NSD2: variants seen among roughly 807,000 people sequenced by gnomAD.
NSD2 encodes histone-lysine N-methyltransferase NSD2.
NSD2 carries 12 observed loss-of-function variants against 139.0 expected under a neutral mutation model. The ratio of observed to expected loss-of-function variants is 0.09; its 90% CI spans 0.06 to 0.14. The LOEUF (loss-of-function observed/expected upper bound fraction) is 0.14. NSD2 is among the 10% of genes least tolerant of loss of function. NSD2 has a pLI of 1.00. For synonymous variants in NSD2, 669 were observed against 648.7 expected (o/e 1.03, Z -0.48); for missense variants, 1,155 against 1,745.0 (o/e 0.66, Z 6.02).
intron 12 of NSD2, among the ~76,000 whole-genome samples, chr4:1,953,793 CT>C (rs113712964): frequency 7.0e-4 from 101 of 145,190 alleles, no homozygotes; most frequent in African/African-American, 6.3e-4. Context: ...TTTACCCTGG[CT>C]TTTTTTTTTT....
At chr4:1,925,096 C>G (rs2108831477) in intron 5 of NSD2, among the ~76,000 whole-genome samples, 3 of 152,356 alleles carry the variant, frequency 2.0e-5, no homozygotes, top group Middle Eastern at 6.8e-3. Flanking sequence ...TTAGGATGCT[C>G]TTTAACTGTT....
Position 1,972,263 on chromosome 4 carries a change from CAAGAG to C in NSD2, c.3373-2598_3373-2594del, listed in dbSNP as rs1366923330. On this transcript the variant is annotated intron_variant, in intron 18 of 21. Transcript: ENST00000508803. The surrounding 1 kb of genome is among the most constrained non-coding windows in gnomAD (Gnocchi z 4.0). Reference sequence around the variant, plus strand: ...AGTTCGGCAGTGTCACTGACGGACACAAGAGATGATATGGATGAGTGGCGGTACAG... The same window carrying C: ...AGTTCGGCAGTGTCACTGACGGACACATGATATGGATGAGTGGCGGTACAG... 3.3e-5 allele frequency among the ~76,000 whole-genome samples: 5 copies of C among 152,048 alleles called. No homozygotes were observed. The highest frequency in any genetic ancestry group is 1.2e-4 in the African/African-American group (5 of 41,370).
chr4:1,923,611 T>C (rs1315291658), intron 5 of NSD2, among the ~76,000 whole-genome samples: 5 of 152,232 alleles, frequency 3.3e-5, no homozygotes, highest in Non-Finnish European at 2.9e-5. Flanking sequence ...CCTCATACAA[T>C]GCTGGTGAAA....
At chr4:1,933,845 G>A (rs1721981775) in intron 6 of NSD2, among the ~76,000 whole-genome samples, 1 of 152,090 alleles carries the variant, frequency 6.6e-6, no homozygotes, top group African/African-American at 2.4e-5. Flanking sequence ...ACACCTTACC[G>A]TCTTAGGTTG....
chr4:1,891,135 CCTT>C, intron 1 of NSD2, among the ~76,000 whole-genome samples: 1 of 152,284 alleles, frequency 6.6e-6, no homozygotes, highest in East Asian at 1.9e-4. Flanking sequence ...CTCAAGCAAT[CCTT>C]CTGCCTTGGC....
rs754764987 is a variant in NSD2 at position 1,974,607 on chromosome 4, A to C, written c.3373-256A>C. 6 of 615,784 alleles carry C rather than the reference A, an allele frequency of 9.7e-6. No individual in the cohort carries two copies. The East Asian group carries it at 1.8e-4, about 19-fold the overall frequency. The allele number at this position is 615,784 out of a possible 1,614,324, so 38.1% of individuals were successfully genotyped here. On this transcript the variant is annotated intron_variant, in intron 18 of 21. Transcript: ENST00000508803. This position sits in a 1 kb window ranked among gnomAD's most constrained non-coding sequence, Gnocchi z 4.0. The stretch of plus-strand genomic sequence containing the variant: ...GTTTGCCATCATGGAGGATGCTGGG[A>C]GCTCCAGCTCCCTGTCCTGTCCTCC...
chr4:1,954,957 C>T (rs928664197), intron 12 of NSD2, among the ~76,000 whole-genome samples: 1 of 152,186 alleles, frequency 6.6e-6, no homozygotes, highest in Non-Finnish European at 1.5e-5. Flanking sequence ...GGCTGAGACA[C>T]GCGGCATTTT....
At chr4:1,975,215 T>C in intron 19 of NSD2, 79 bp from the exon 20 acceptor site, 1 of 1,467,664 alleles carries the variant, frequency 6.8e-7, no homozygotes, top group Non-Finnish European at 9.5e-7. Flanking sequence ...AGTATTTTTG[T>C]TGACCTAATA....
intron 3 of NSD2, among the ~76,000 whole-genome samples, chr4:1,913,717 C>A (rs907296178): frequency 6.6e-6 from 1 of 152,154 alleles, no homozygotes; most frequent in Non-Finnish European, 1.5e-5. Context: ...TGCCCCCTTG[C>A]CTTGTATACA....
chr4:1,928,087 C>G (rs1446291359), intron 5 of NSD2, among the ~76,000 whole-genome samples: 2 of 138,516 alleles, frequency 1.4e-5, no homozygotes, highest in Non-Finnish European at 3.1e-5. Context: ...TTTTTTTTTT[C>G]AAACACGATC....
intron 2 of NSD2, among the ~76,000 whole-genome samples, 158 bp downstream of exon 2, chr4:1,901,409 G>A (rs554150567): frequency 6.6e-6 from 1 of 152,222 alleles, no homozygotes; most frequent in Non-Finnish European, 1.5e-5. Flanking sequence ...GGGTTGGAGG[G>A]TGGGCTCCAG....
intron 1 of NSD2, among the ~76,000 whole-genome samples, chr4:1,872,626 G>GAGAGAGAT (rs1713936352): frequency 6.9e-6 from 1 of 145,368 alleles, no homozygotes; most frequent in Non-Finnish European, 1.5e-5. Flanking sequence ...GAGAGAGAGA[G>GAGAGAGAT]AGAGAGAGAG....
intron 1 of NSD2, among the ~76,000 whole-genome samples, chr4:1,892,001 C>T (rs113623930): frequency 6.6e-6 from 1 of 152,016 alleles, no homozygotes; most frequent in African/African-American, 2.4e-5. Context: ...TTCTCTTTTC[C>T]TAGCATATCT....
intron 8 of NSD2, among the ~76,000 whole-genome samples, chr4:1,939,026 C>T (rs1722794288): frequency 2.6e-5 from 4 of 152,058 alleles, no homozygotes; most frequent in African/African-American, 9.7e-5. Flanking sequence ...CTTCCTTTTA[C>T]CTTTTAGTTA....
chr4:1,871,638 G>C (rs1333429322), intron 1 of NSD2, 96 bp downstream of exon 1: 1 of 149,642 alleles, frequency 6.7e-6, no homozygotes, highest in Non-Finnish European at 1.5e-5. Context: ...CGGCGGGGAG[G>C]ACCGCGGAGG....
intron 1 of NSD2, among the ~76,000 whole-genome samples, chr4:1,872,591 T>TGTGAGAGA (rs1281608141): frequency 0.02 from 901 of 44,706 alleles, 11 homozygotes; most frequent in Non-Finnish European, 0.028. Flanking sequence ...TGTGTGTGTG[T>TGTGAGAGA]GAGAGAGAGA....
rs1440466863 is a variant in NSD2 at position 1,975,280 on chromosome 4, T to C, written c.3515-14T>C. The C allele has an allele frequency of 2.5e-6, 4 of 1,613,354 alleles. No homozygotes were observed. On this transcript the variant is annotated splice_polypyrimidine_tract_variant and intron_variant, in intron 19 of 21. Transcript: ENST00000508803. The stretch of plus-strand genomic sequence containing the variant: ...AGGTGTTTCCAATTTGGTGTCTGTC[T>C]CCTCTTCTCCCAGGGACGGAGCTGA...
chr4:1,952,328 A>G (rs1218262884), intron 11 of NSD2, 97 bp downstream of exon 11: 5 of 1,541,816 alleles, frequency 3.2e-6, no homozygotes, highest in Non-Finnish European at 4.4e-6. Context: ...TGCAGAGGAC[A>G]AGCCCCCTCC....
intron 9 of NSD2, chr4:1,944,651 G>A: frequency 1.9e-6 from 2 of 1,063,390 alleles, no homozygotes; most frequent in Non-Finnish European, 2.3e-6. Context: ...TTGTAATAGG[G>A]TGGCATCTTC....
Sources: gnomAD v4.1 joint callset for allele counts (sites outside exome capture counted in the v4.1 genomes callset) on GRCh38, gnomAD v4.1.1 for gene constraint, Gnocchi (gnomAD v3.1) non-coding constraint, MANE v1.5 for transcripts, NCBI Gene and HGNC (gene_info 2026-07-23, HGNC 2026-07-21) for gene names.